The following INPP5A variants were observed in gnomAD, a reference collection of about 807,000 sequenced individuals.
INPP5A encodes 43 kDa inositol polyphosphate 5-phophatase.
In INPP5A, 14 loss-of-function variants were observed where a neutral mutation model predicts 65.2. That is an observed-to-expected ratio of 0.21 (90% CI 0.14 to 0.34). The LOEUF (loss-of-function observed/expected upper bound fraction) is 0.34. INPP5A is among the 10% of genes least tolerant of loss of function. The pLI is 1.00. For synonymous variants in INPP5A, 207 were observed against 208.3 expected, an observed-to-expected ratio of 0.99 and a Z score of 0.05; for missense variants, 431 against 545.6, an observed-to-expected ratio of 0.79 and a Z score of 2.09.
intron 4 of INPP5A, among the ~76,000 whole-genome samples, chr10:132,682,590 G>A (rs950020337): frequency 6.6e-5 from 10 of 152,274 alleles, no homozygotes; most frequent in African/African-American, 2.4e-4. Context: ...CTGGGGGATC[G>A]TCATGGCAAC....
Position 132,549,553 on chromosome 10 carries a change from C to T in INPP5A, c.75+11382C>T, listed in dbSNP as rs1285264643. On this transcript the variant is annotated intron_variant, in intron 1 of 15. Transcript: ENST00000368594. The surrounding 1 kb of genome is among the most constrained non-coding windows in gnomAD (Gnocchi z 4.9). ...GGCGGGCTGCCCTCTGCCCACCCCTCCAGGAGGGCCTGTGGGATGCGAGGC... is the reference window on the plus strand; with the variant it reads ...GGCGGGCTGCCCTCTGCCCACCCCTTCAGGAGGGCCTGTGGGATGCGAGGC... Among the ~76,000 whole-genome samples the T allele has an allele frequency of 6.6e-6, 1 of 152,246 alleles. No individual in the cohort carries two copies. The highest frequency in any genetic ancestry group is 6.5e-5 in the Admixed American group (1 of 15,282).
At chr10:132,759,173 A>G (rs926832665) in intron 11 of INPP5A, among the ~76,000 whole-genome samples, 3 of 152,186 alleles carry the variant, frequency 2.0e-5, no homozygotes, top group African/African-American at 7.2e-5. Context: ...GCCCGTCCAC[A>G]CGCTCAGAGC....
intron 12 of INPP5A, 46 bp from the exon 13 acceptor site, chr10:132,777,625 A>G (rs1237878473): frequency 6.4e-7 from 1 of 1,570,596 alleles, no homozygotes; most frequent in South Asian, 1.1e-5. Context: ...GGGGCTGAGG[A>G]CGGCCCGAGC....
rs1564959229 is a variant in INPP5A, at chr10:132,674,681, T to C, written c.307-15711T>C. Among the ~76,000 whole-genome samples the C allele has an allele frequency of 6.6e-6, 1 of 152,196 alleles. No individual in the cohort carries two copies. Among genetic ancestry groups the C allele is most frequent in the Admixed American group, 6.5e-5 (1 of 15,282 alleles). On this transcript the variant is annotated intron_variant, in intron 4 of 15. Transcript: ENST00000368594. The surrounding 1 kb of genome is among the most constrained non-coding windows in gnomAD (Gnocchi z 4.4). ...ATGCCACTTCCATTTGATGATGGAA[T>C]GCTGCTGTGCATGACCCACTTCATG...
intron 4 of INPP5A, among the ~76,000 whole-genome samples, chr10:132,668,655 ACATGAATTTG>A (rs2072839100): frequency 6.6e-6 from 1 of 152,164 alleles, no homozygotes; most frequent in Non-Finnish European, 1.5e-5. Context: ...CTCAAATTAA[ACATGAATTTG>A]CACAGGGAGC....
In INPP5A at chr10:132,596,955, A is replaced by G. The variant is rs866612789; in HGVS notation, c.76-10960A>G. ...TGCACGCATGTGTGCGTGTGTGCAC[A>G]CATGTGTGCGTGTGTGCATGCGTGT... On this transcript the variant is annotated intron_variant, in intron 1 of 15. Coordinates refer to ENST00000368594, the MANE Select transcript of INPP5A (RefSeq NM_005539.5). 2.3e-3 allele frequency among the ~76,000 whole-genome samples: 270 copies of G among 118,108 alleles called. 2 individuals carry two copies. Among genetic ancestry groups the G allele is most frequent in the African/African-American group, 8.5e-3 (224 of 26,442 alleles). 77.5% of individuals were successfully genotyped at this position (118,108 alleles called of 152,430 possible).
At chr10:132,685,443 G>A (rs1182415705) in intron 4 of INPP5A, among the ~76,000 whole-genome samples, 1 of 152,400 alleles carries the variant, frequency 6.6e-6, no homozygotes, top group South Asian at 2.1e-4. Context: ...GTGCTCATGT[G>A]CGTCCCTTAG....
At chr10:132,691,068 A>T (rs1288848677) in intron 5 of INPP5A, among the ~76,000 whole-genome samples, 1 of 152,198 alleles carries the variant, frequency 6.6e-6, no homozygotes, top group Non-Finnish European at 1.5e-5. Flanking sequence ...GGAGCAGATG[A>T]CATCCATGTG....
chr10:132,558,354 A>G (rs1414097557), intron 1 of INPP5A, among the ~76,000 whole-genome samples: 4 of 152,062 alleles, frequency 2.6e-5, no homozygotes, highest in Admixed American at 1.3e-4. Context: ...GGGGCTAATC[A>G]TGGTTAATCC....
intron 4 of INPP5A, among the ~76,000 whole-genome samples, chr10:132,673,720 C>T (rs2072924989): frequency 6.6e-6 from 1 of 152,232 alleles, no homozygotes; most frequent in East Asian, 1.9e-4. Context: ...TTCACAGAAG[C>T]ATTGCATGCA....
chr10:132,777,659 A>G lies in INPP5A; in HGVS notation c.978-12A>G, dbSNP rs752244624. The G allele has an allele frequency of 1.1e-5, 17 of 1,610,472 alleles. 1 individual carries two copies. The Admixed American group carries it at 2.3e-4, about 22-fold the overall frequency. ...GCCGGCCGGCTGACCCTCTGCCTTC[A>G]TGTCTCCCCAGCTACCCGTACAGTG... On this transcript the variant is annotated splice_polypyrimidine_tract_variant and intron_variant, in intron 12 of 15. Coordinates refer to ENST00000368594, the MANE Select transcript of INPP5A (RefSeq NM_005539.5).
In INPP5A at chr10:132,555,898, C is replaced by T. The variant is rs145651614; in HGVS notation, c.75+17727C>T. ...ATGAAAAACACGCGTTTCCCCTTTTCGTAAGAGGATGAACAGCCTCTCACC... is the reference window on the plus strand; with the variant it reads ...ATGAAAAACACGCGTTTCCCCTTTTTGTAAGAGGATGAACAGCCTCTCACC... On this transcript the variant is annotated intron_variant, in intron 1 of 15. Coordinates refer to ENST00000368594, the MANE Select transcript of INPP5A (RefSeq NM_005539.5). This position sits in a 1 kb window ranked among gnomAD's most constrained non-coding sequence, Gnocchi z 4.4. Among the ~76,000 whole-genome samples the T allele has an allele frequency of 1.4e-4, 22 of 152,252 alleles. No individual in the cohort carries two copies. The highest frequency in any genetic ancestry group is 2.6e-4 in the Admixed American group (4 of 15,300).
rs999459973 is a variant in INPP5A at position 132,741,389 on chromosome 10, C to G, written c.733-8128C>G. On this transcript the variant is annotated intron_variant, in intron 9 of 15. Coordinates refer to ENST00000368594, the MANE Select transcript of INPP5A (RefSeq NM_005539.5). The surrounding 1 kb of genome is among the most constrained non-coding windows in gnomAD (Gnocchi z 4.4). ...TGGTCTCAGTCTGGTTCCTGCTGGA[C>G]AAACACTGCAGGTTCACACCACGGG... 6.6e-6 allele frequency among the ~76,000 whole-genome samples: 1 copy of G among 152,224 alleles called. No individual in the cohort carries two copies. The highest frequency in any genetic ancestry group is 2.4e-5 in the African/African-American group (1 of 41,460).
intron 1 of INPP5A, among the ~76,000 whole-genome samples, chr10:132,591,132 T>C (rs912034572): frequency 6.6e-6 from 1 of 152,246 alleles, no homozygotes; most frequent in East Asian, 1.9e-4. Flanking sequence ...TGTTTTGTAT[T>C]TTCCCTTGAC....
chr10:132,614,801 C>G lies in INPP5A; in HGVS notation c.117+6845C>G, dbSNP rs551074308. On this transcript the variant is annotated intron_variant, in intron 2 of 15. Transcript: ENST00000368594. Reference sequence around the variant, plus strand: ...TCCATCCCCATGAATGCAATCAGTGCCCTGAAAGAAGAGGCCTGAGTGCTG... The same window carrying G: ...TCCATCCCCATGAATGCAATCAGTGGCCTGAAAGAAGAGGCCTGAGTGCTG... Among the ~76,000 whole-genome samples the G allele has an allele frequency of 2.0e-4, 30 of 152,380 alleles. 1 individual carries two copies. In the South Asian group the frequency reaches 6.0e-3, roughly 30 times the overall value.
chr10:132,658,082 C>T (rs1240318761), intron 4 of INPP5A, among the ~76,000 whole-genome samples: 2 of 152,220 alleles, frequency 1.3e-5, no homozygotes, highest in African/African-American at 4.8e-5. Flanking sequence ...CCGCTCCCCG[C>T]TGCTGTGATG....
intron 8 of INPP5A, among the ~76,000 whole-genome samples, chr10:132,724,224 G>T (rs760636255): frequency 2.6e-5 from 4 of 152,214 alleles, no homozygotes; most frequent in African/African-American, 4.8e-5. Flanking sequence ...GTGCCGCTGG[G>T]AATGTTGTGT....
At chr10:132,668,572 C>T (rs1192899825) in intron 4 of INPP5A, among the ~76,000 whole-genome samples, 1 of 152,142 alleles carries the variant, frequency 6.6e-6, no homozygotes, top group Non-Finnish European at 1.5e-5. Flanking sequence ...TCCATAATGG[C>T]TTTATTTTAA....
intron 9 of INPP5A, among the ~76,000 whole-genome samples, chr10:132,731,264 C>T (rs563234312): frequency 3.3e-5 from 5 of 151,190 alleles, no homozygotes; most frequent in East Asian, 3.9e-4. Flanking sequence ...ACCCCTCCTG[C>T]GTATCAGGTG....
Sources: allele counts gnomAD v4.1 joint callset (sites outside exome capture counted in the v4.1 genomes callset), GRCh38; gene constraint gnomAD v4.1.1; non-coding constraint Gnocchi (gnomAD v3.1); transcripts MANE v1.5; gene names NCBI Gene and HGNC (gene_info 2026-07-23, HGNC 2026-07-21).